CCBE1: variants seen among roughly 807,000 people sequenced by gnomAD.
CCBE1 encodes collagen and calcium binding EGF domains 1.
Under a neutral mutation model 50.0 loss-of-function variants are expected in CCBE1, and 37 were observed. That is an observed-to-expected ratio of 0.74 (90% CI 0.57 to 0.97). The LOEUF (loss-of-function observed/expected upper bound fraction) is 0.97. Ranked by LOEUF, CCBE1 falls within the 50% of genes least tolerant of loss-of-function variation. The pLI, the probability that CCBE1 is intolerant of heterozygous loss-of-function variation, is 0.00. For synonymous variants in CCBE1, 234 were observed against 203.7 expected, an observed-to-expected ratio of 1.15 and a Z score of -1.27; for missense variants, 538 against 523.8, an observed-to-expected ratio of 1.03 and a Z score of -0.26.
At chr18:59,459,644 A>C (rs1408644518) in intron 5 of CCBE1, among the ~76,000 whole-genome samples, 2 of 152,218 alleles carry the variant, frequency 1.3e-5, no homozygotes, top group Admixed American at 1.3e-4. Context: ...ATCTTAGAAA[A>C]ACCAAACAAT....
intron 2 of CCBE1, among the ~76,000 whole-genome samples, chr18:59,607,730 G>A (rs2053517660): frequency 6.6e-6 from 1 of 152,134 alleles, no homozygotes; most frequent in Non-Finnish European, 1.5e-5. Flanking sequence ...CTTCCTGTGT[G>A]ACACTGATTA....
intron 2 of CCBE1, among the ~76,000 whole-genome samples, chr18:59,605,131 G>A (rs1255664861): frequency 1.3e-5 from 2 of 152,222 alleles, no homozygotes; most frequent in African/African-American, 2.4e-5. Context: ...AGGAGCTGGT[G>A]GTTCTGCCCT....
chr18:59,539,231 T>C (rs1915374510), intron 2 of CCBE1, among the ~76,000 whole-genome samples: 1 of 150,776 alleles, frequency 6.6e-6, no homozygotes, highest in African/African-American at 2.4e-5. Flanking sequence ...AAGAAAATAA[T>C]GACAGACCGT....
chr18:59,469,308 T>C lies in CCBE1; in HGVS notation c.400+165A>G, dbSNP rs895010. ...TCCCGGAAGAATTCCTTGGGCCTAA[T>C]TGGTTTTAGTAATTGTGATGAAGGG... On this transcript the variant is annotated intron_variant, in intron 4 of 10. Coordinates refer to ENST00000439986, the MANE Select transcript of CCBE1 (RefSeq NM_133459.4). 0.19 allele frequency among the ~76,000 whole-genome samples: 29,587 copies of C among 152,210 alleles called. 3,743 individuals carry two copies. Among genetic ancestry groups the C allele is most frequent in the Non-Finnish European group, 0.28 (18,922 of 67,980 alleles).
At chr18:59,616,083 A>T (rs1345465866) in intron 2 of CCBE1, among the ~76,000 whole-genome samples, 2 of 152,132 alleles carry the variant, frequency 1.3e-5, no homozygotes, top group Non-Finnish European at 2.9e-5. Flanking sequence ...TGCTTAGCAT[A>T]TTCTTGGGGC....
chr18:59,657,915 G>A (rs909792813), intron 2 of CCBE1, among the ~76,000 whole-genome samples: 4 of 151,748 alleles, frequency 2.6e-5, no homozygotes, highest in Non-Finnish European at 4.4e-5. Flanking sequence ...AACAGAAACA[G>A]ATACATTAAA....
chr18:59,627,039 T>C (rs550274243), intron 2 of CCBE1, among the ~76,000 whole-genome samples: 1 of 152,376 alleles, frequency 6.6e-6, no homozygotes, highest in East Asian at 1.9e-4. Context: ...GATCCTGTTC[T>C]AGAGCTCAGT....
chr18:59,674,656 C>T (rs1025887280), intron 2 of CCBE1, among the ~76,000 whole-genome samples: 1 of 152,102 alleles, frequency 6.6e-6, no homozygotes, highest in African/African-American at 2.4e-5. Context: ...TCAATAAGAA[C>T]ATATTTGAGC....
At chr18:59,540,506 G>A (rs566449470) in intron 2 of CCBE1, among the ~76,000 whole-genome samples, 6 of 152,258 alleles carry the variant, frequency 3.9e-5, no homozygotes, top group Admixed American at 2.0e-4. Flanking sequence ...GGGAAATAGG[G>A]GGTGTTGCTG....
At chr18:59,442,356 T>C (rs1028685506) in intron 7 of CCBE1, among the ~76,000 whole-genome samples, 7 of 152,188 alleles carry the variant, frequency 4.6e-5, no homozygotes, top group Non-Finnish European at 1.0e-4. Context: ...ATAATGTGTG[T>C]GTTTATATGC....
At chr18:59,471,002 C>G (rs753787077) in intron 3 of CCBE1, among the ~76,000 whole-genome samples, 2 of 152,254 alleles carry the variant, frequency 1.3e-5, no homozygotes, top group Non-Finnish European at 2.9e-5. Context: ...CAAACTGTCT[C>G]TGGCTACACG....
intron 2 of CCBE1, among the ~76,000 whole-genome samples, chr18:59,665,175 T>TG (rs2054336543): frequency 8.4e-6 from 1 of 118,514 alleles, no homozygotes; most frequent in Admixed American, 7.8e-5. Flanking sequence ...TCAACCAGAG[T>TG]CCCCCCGAGA....
intron 2 of CCBE1, among the ~76,000 whole-genome samples, chr18:59,690,677 G>T (rs1408601205): frequency 1.3e-5 from 2 of 152,242 alleles, no homozygotes; most frequent in Non-Finnish European, 2.9e-5. Flanking sequence ...ACACACCAGT[G>T]AAAGAGCAGC....
At chr18:59,628,921 C>T (rs143058975) in intron 2 of CCBE1, among the ~76,000 whole-genome samples, 1 of 152,284 alleles carries the variant, frequency 6.6e-6, no homozygotes, top group African/African-American at 2.4e-5. Context: ...AAAATCCAAC[C>T]ATTTGTCACC....
At chr18:59,603,538 G>A (rs147939131) in intron 2 of CCBE1, among the ~76,000 whole-genome samples, 1 of 151,772 alleles carries the variant, frequency 6.6e-6, no homozygotes, top group Non-Finnish European at 1.5e-5. Flanking sequence ...TCACATCCTG[G>A]GTCATTTTCA....
At chr18:59,536,073 G>A (rs1915236150) in intron 2 of CCBE1, among the ~76,000 whole-genome samples, 1 of 152,182 alleles carries the variant, frequency 6.6e-6, no homozygotes, top group African/African-American at 2.4e-5. Flanking sequence ...TGAATATAAA[G>A]TATTTTTATG....
At chr18:59,537,456 A>G (rs12960222) in intron 2 of CCBE1, among the ~76,000 whole-genome samples, 42,288 of 152,034 alleles carry the variant, frequency 0.28, 6,081 homozygotes, top group African/African-American at 0.33. Flanking sequence ...AATAAGTCTC[A>G]TGAGACCTGA....
At chr18:59,597,319 A>G (rs1052517911) in intron 2 of CCBE1, among the ~76,000 whole-genome samples, 2 of 152,250 alleles carry the variant, frequency 1.3e-5, no homozygotes, top group African/African-American at 4.8e-5. Context: ...CTCCACTGAT[A>G]TTAGGTATTA....
chr18:59,572,444 T>C (rs919727059), intron 2 of CCBE1, among the ~76,000 whole-genome samples: 2 of 152,222 alleles, frequency 1.3e-5, no homozygotes, highest in Admixed American at 6.5e-5. Context: ...ATTAAAACCA[T>C]GTGAAATGGC....
Sources: gnomAD v4.1 joint callset for allele counts (sites outside exome capture counted in the v4.1 genomes callset) on GRCh38, gnomAD v4.1.1 for gene constraint, MANE v1.5 for transcripts, NCBI Gene and HGNC (gene_info 2026-07-23, HGNC 2026-07-21) for gene names.